RBMS1: variants seen among roughly 807,000 people sequenced by gnomAD.
RBMS1 encodes the protein RNA binding motif single stranded interacting protein 1.
In RBMS1, 17 loss-of-function variants were observed where a neutral mutation model predicts 62.3. The observed-to-expected ratio is 0.27, with a 90% CI of 0.19 to 0.41. RBMS1 has a LOEUF of 0.41. RBMS1 is among the 10% of genes least tolerant of loss of function. The pLI, the probability that RBMS1 is intolerant of heterozygous loss-of-function variation, is 1.00. For synonymous variants in RBMS1, 172 were observed against 170.0 expected (o/e 1.01, Z -0.09); for missense variants, 334 against 504.5 (o/e 0.66, Z 3.24).
intron 1 of RBMS1, among the ~76,000 whole-genome samples, chr2:160,449,929 A>G (rs1170907897): frequency 6.6e-6 from 1 of 152,116 alleles, no homozygotes; most frequent in East Asian, 1.9e-4. Context: ...TCTCATTTTC[A>G]GCTCTATACA....
intron 1 of RBMS1, among the ~76,000 whole-genome samples, chr2:160,379,180 T>C (rs1265660444): frequency 4.6e-5 from 7 of 150,996 alleles, no homozygotes; most frequent in African/African-American, 7.3e-5. Flanking sequence ...GTGTGCACCA[T>C]TGCACCCCAG....
chr2:160,426,973 C>T (rs565924140), intron 1 of RBMS1, among the ~76,000 whole-genome samples: 126 of 152,256 alleles, frequency 8.3e-4, no homozygotes, highest in Non-Finnish European at 1.6e-3. Context: ...AGGCCGGAAA[C>T]GGTTTTGATT....
intron 1 of RBMS1, among the ~76,000 whole-genome samples, chr2:160,386,218 C>G (rs1026261112): frequency 6.6e-6 from 1 of 152,186 alleles, no homozygotes; most frequent in Admixed American, 6.5e-5. Context: ...TTGTTGAAAT[C>G]CTAACCCCTA....
At chr2:160,292,710 C>G (rs776931551) in intron 6 of RBMS1, among the ~76,000 whole-genome samples, 1 of 152,182 alleles carries the variant, frequency 6.6e-6, no homozygotes, top group Admixed American at 6.6e-5. Context: ...AGAACCTGAT[C>G]GTGAAAGGGT....
intron 1 of RBMS1, among the ~76,000 whole-genome samples, chr2:160,378,341 G>A (rs1229804876): frequency 2.0e-5 from 3 of 152,092 alleles, no homozygotes. Context: ...GAGACTGGAT[G>A]CAGTGGCTCA....
At chr2:160,380,728 T>C (rs1343291390) in intron 1 of RBMS1, among the ~76,000 whole-genome samples, 1 of 152,140 alleles carries the variant, frequency 6.6e-6, no homozygotes, top group Non-Finnish European at 1.5e-5. Flanking sequence ...ACTTCTAGTA[T>C]GGAAAACAAT....
chr2:160,344,717 A>G (rs956513375), intron 2 of RBMS1, among the ~76,000 whole-genome samples: 1 of 152,148 alleles, frequency 6.6e-6, no homozygotes, highest in African/African-American at 2.4e-5. Context: ...TAGAGAGAAC[A>G]GAGAAGAAAA....
At chr2:160,424,617 T>G (rs2105275309) in intron 1 of RBMS1, among the ~76,000 whole-genome samples, 1 of 152,338 alleles carries the variant, frequency 6.6e-6, no homozygotes, top group South Asian at 2.1e-4. Flanking sequence ...TTTAAACTGC[T>G]GTTTGGGTTC....
intron 1 of RBMS1, among the ~76,000 whole-genome samples, chr2:160,369,202 T>G (rs933895657): frequency 6.6e-6 from 1 of 152,220 alleles, no homozygotes; most frequent in Non-Finnish European, 1.5e-5. Context: ...CTACCAAATC[T>G]ATTTGATTCA....
chr2:160,407,406 C>T, intron 1 of RBMS1: 1 of 985,872 alleles, frequency 1.0e-6, no homozygotes, highest in Middle Eastern at 5.0e-4. Flanking sequence ...CTGAGCGCGG[C>T]CCCCTTTGTA....
intron 1 of RBMS1, among the ~76,000 whole-genome samples, chr2:160,484,662 GA>G (rs1200890604): frequency 6.8e-6 from 1 of 147,914 alleles, no homozygotes; most frequent in Non-Finnish European, 1.5e-5. Context: ...ACGAGGTCAG[GA>G]GATCGAGACC....
intron 1 of RBMS1, among the ~76,000 whole-genome samples, chr2:160,376,804 C>CAAAT (rs144445931): frequency 0.069 from 10,422 of 150,860 alleles, 487 homozygotes; most frequent in African/African-American, 0.13. Context: ...TCTGGCTAAT[C>CAAAT]AAATAAATAA....
chr2:160,448,639 C>T (rs1051186801), intron 1 of RBMS1, among the ~76,000 whole-genome samples: 5 of 152,176 alleles, frequency 3.3e-5, no homozygotes, highest in African/African-American at 1.2e-4. Context: ...GATCTCGGCT[C>T]GCTACGACCT....
At chr2:160,331,430 C>A (rs1212763617) in intron 2 of RBMS1, among the ~76,000 whole-genome samples, 4 of 152,152 alleles carry the variant, frequency 2.6e-5, no homozygotes, top group African/African-American at 9.7e-5. Flanking sequence ...GCATCCTGTC[C>A]ACGCAGCATC....
chr2:160,324,907 T>TATATATATATATACACAC (rs1321182985), intron 2 of RBMS1, among the ~76,000 whole-genome samples: 1 of 106,774 alleles, frequency 9.4e-6, no homozygotes, highest in African/African-American at 4.2e-5. Context: ...TATATATATA[T>TATATATATATATACACAC]ACACACACAC....
chr2:160,493,056 A>C, intron 1 of RBMS1: 1 of 493,500 alleles, frequency 2.0e-6, no homozygotes, highest in Non-Finnish European at 3.6e-6. Context: ...TTTCCTGTCT[A>C]GTCTCTCCCC....
intron 1 of RBMS1, among the ~76,000 whole-genome samples, chr2:160,374,978 T>C (rs1573956127): frequency 1.3e-5 from 2 of 151,960 alleles, no homozygotes; most frequent in African/African-American, 2.4e-5. Context: ...AGTTAGAATA[T>C]CCAGATTCAA....
chr2:160,318,179 G>A lies in RBMS1; in HGVS notation c.300C>T (p.Asn100=). The change falls in exon 3 of 14, where the codon AAC becomes AAT. Residue 100 remains asparagine, a synonymous_variant. Coordinates refer to ENST00000348849, the MANE Select transcript of RBMS1 (RefSeq NM_016836.4). ...GCCAAGAAAACATACCTTTGCATTTGTTCGTTGTCTTATCCAAAATTGCCT... is the reference window on the plus strand; with the variant it reads ...GCCAAGAAAACATACCTTTGCATTTATTCGTTGTCTTATCCAAAATTGCCT... The part of the protein sequence containing the change: ...STKAILDKTT[N]KCKGYGFVDF... 7.1e-7 allele frequency: 1 copy of A among 1,406,850 alleles called. No homozygotes were observed. The highest frequency in any genetic ancestry group is 9.4e-7 in the Non-Finnish European group (1 of 1,069,224). The allele number at this position is 1,406,850 out of a possible 1,614,324, so 87.1% of individuals were successfully genotyped here.
intron 5 of RBMS1, chr2:160,302,712 C>T (rs1231201162): frequency 6.6e-6 from 1 of 150,764 alleles, no homozygotes; most frequent in Admixed American, 6.6e-5. Context: ...TTTCGCCACG[C>T]CGGCCAGGTA....
Sources: allele counts gnomAD v4.1 joint callset (sites outside exome capture counted in the v4.1 genomes callset), GRCh38; gene constraint gnomAD v4.1.1; transcripts MANE v1.5; gene names NCBI Gene and HGNC (gene_info 2026-07-23, HGNC 2026-07-21).